The following FBXL13 variants were observed in gnomAD, a reference collection of about 807,000 sequenced individuals.
FBXL13 encodes F-box and leucine-rich repeat protein 13.
FBXL13 carries 67 observed loss-of-function variants against 83.6 expected under a neutral mutation model. The observed-to-expected ratio is 0.80, with a 90% CI of 0.66 to 0.98. The LOEUF is 0.98. Among genes scored for constraint, FBXL13 ranks in the 50% least tolerant of loss-of-function variants. The probability of loss-of-function intolerance (pLI) is 0.00; values close to 1 mark genes in which losing one functional copy is unlikely to be tolerated. For missense variants in FBXL13, 822 were observed against 866.5 expected (o/e 0.95, Z 0.64); for synonymous variants, 272 against 299.5 (o/e 0.91, Z 0.95).
At chr7:102,886,029 T>C (rs1482335151) in intron 11 of FBXL13, among the ~76,000 whole-genome samples, 1 of 152,230 alleles carries the variant, frequency 6.6e-6, no homozygotes, top group Non-Finnish European at 1.5e-5. Flanking sequence ...TGTAGCTTTG[T>C]AGTACCGATT....
At chr7:102,976,772 C>T (rs1004292892) in intron 6 of FBXL13, among the ~76,000 whole-genome samples, 3 of 152,170 alleles carry the variant, frequency 2.0e-5, no homozygotes, top group Non-Finnish European at 2.9e-5. Context: ...TCACCTACTC[C>T]GCCCAACATA....
intron 6 of FBXL13, among the ~76,000 whole-genome samples, chr7:102,991,675 A>G (rs1187357433): frequency 1.3e-5 from 2 of 152,238 alleles, no homozygotes; most frequent in Non-Finnish European, 2.9e-5. Context: ...TCTTTGGAAC[A>G]TAAAACACGG....
chr7:102,924,249 A>AG (rs890902838), intron 10 of FBXL13, among the ~76,000 whole-genome samples: 1 of 152,018 alleles, frequency 6.6e-6, no homozygotes, highest in African/African-American at 2.4e-5. Context: ...AAAAAAAAAA[A>AG]AAAAAAAGTA....
chr7:102,880,108 T>C (rs1809830470), intron 14 of FBXL13, among the ~76,000 whole-genome samples: 1 of 152,234 alleles, frequency 6.6e-6, no homozygotes, highest in Non-Finnish European at 1.5e-5. Flanking sequence ...TTTTTGTTGC[T>C]GATTCCCATT....
chr7:102,986,652 A>G (rs768719548), intron 6 of FBXL13, among the ~76,000 whole-genome samples: 18 of 152,182 alleles, frequency 1.2e-4, no homozygotes, highest in Non-Finnish European at 2.4e-4. Context: ...GGGAAGAAGG[A>G]TATTAGAATT....
intron 11 of FBXL13, among the ~76,000 whole-genome samples, chr7:102,912,683 C>CCCA (rs1491041784): frequency 7.9e-6 from 1 of 126,256 alleles, no homozygotes; most frequent in African/African-American, 3.2e-5. Flanking sequence ...CCCCCCCCCC[C>CCCA]CAAAAAAAAA....
At chr7:103,058,284 T>C (rs1418954125) in intron 1 of FBXL13, among the ~76,000 whole-genome samples, 1 of 152,196 alleles carries the variant, frequency 6.6e-6, no homozygotes, top group African/African-American at 2.4e-5. Context: ...CCATAGTAAC[T>C]GCTTACAAGT....
At chr7:102,896,581 G>A (rs955981328) in intron 11 of FBXL13, among the ~76,000 whole-genome samples, 1 of 152,208 alleles carries the variant, frequency 6.6e-6, no homozygotes, top group Non-Finnish European at 1.5e-5. Flanking sequence ...GAGGCACAAA[G>A]TCTGAGATCA....
At chr7:103,036,463 G>GA in intron 2 of FBXL13, among the ~76,000 whole-genome samples, 1 of 152,110 alleles carries the variant, frequency 6.6e-6, no homozygotes, top group Non-Finnish European at 1.5e-5. Flanking sequence ...ATGAAGTGTT[G>GA]AATTTTTCAT....
At chr7:102,922,145 G>A (rs774647827) in intron 10 of FBXL13, among the ~76,000 whole-genome samples, 1 of 150,660 alleles carries the variant, frequency 6.6e-6, no homozygotes, top group Non-Finnish European at 1.5e-5. Context: ...AGCTGAGGTC[G>A]TGCCACTGCA....
intron 1 of FBXL13, among the ~76,000 whole-genome samples, chr7:103,067,162 T>C (rs1438320009): frequency 6.6e-6 from 1 of 152,092 alleles, no homozygotes; most frequent in African/African-American, 2.4e-5. Context: ...CAACTGAGGA[T>C]TGAATTTAAA....
rs771042754 is a variant in FBXL13 at position 102,976,006 on chromosome 7, A to G, written c.496-7889T>C. On this transcript the variant is annotated intron_variant, in intron 6 of 19. Coordinates refer to ENST00000313221, the Ensembl canonical transcript of FBXL13. ...GGCCACTGGCCCACACAATGCCCAA[A>G]CCCAGGTAAACCCACGAGGCCATGC... 3.9e-6 allele frequency: 3 copies of G among 766,408 alleles called. No homozygotes were observed. In the South Asian group the frequency reaches 4.0e-5, roughly 10 times the overall value. 47.5% of individuals were successfully genotyped at this position (766,408 alleles called of 1,614,324 possible). A position where few individuals can be genotyped will look rare whatever the true frequency, so the allele number is the denominator to read the frequency against.
At chr7:102,854,836 T>C in exon 17 of FBXL13, 3 of 1,589,534 alleles carry the variant, frequency 1.9e-6, no homozygotes. Flanking sequence ...TTCAATTTTT[T>C]ATGTCTGGAA....
At chr7:103,058,350 C>T (rs1367878205) in intron 1 of FBXL13, among the ~76,000 whole-genome samples, 1 of 152,182 alleles carries the variant, frequency 6.6e-6, no homozygotes, top group Non-Finnish European at 1.5e-5. Context: ...ACTATAGTTG[C>T]ACAGGAGATT....
intron 8 of FBXL13, chr7:102,944,455 T>A: frequency 6.2e-7 from 1 of 1,613,912 alleles, no homozygotes; most frequent in Non-Finnish European, 8.5e-7. Context: ...TGTGGGAAAA[T>A]ATATTAGAAG....
rs143144114 is a variant in FBXL13 at position 102,874,375 on chromosome 7, T to A, written c.1635+3092A>T. ...TAATTGTCAATCATTTGCCTTTTAG[T>A]TCAGAGTTTAACTGACTTGGAGGAA... On this transcript the variant is annotated intron_variant, in intron 16 of 19. Transcript: ENST00000313221. 834 of 985,398 alleles carry A rather than the reference T, an allele frequency of 8.5e-4. 7 individuals carry two copies. In the African/African-American group the frequency reaches 0.014, roughly 17 times the overall value. 61.0% of individuals were successfully genotyped at this position (985,398 alleles called of 1,614,324 possible).
chr7:102,950,854 T>A (rs994968105), intron 8 of FBXL13, among the ~76,000 whole-genome samples: 1 of 151,638 alleles, frequency 6.6e-6, no homozygotes, highest in African/African-American at 2.4e-5. Context: ...GCTAGCAGGG[T>A]GAGGGGGGAT....
At chr7:102,893,597 T>C (rs976198793) in intron 11 of FBXL13, among the ~76,000 whole-genome samples, 1 of 151,800 alleles carries the variant, frequency 6.6e-6, no homozygotes. Flanking sequence ...AAACCCCATC[T>C]CTACTAAAAA....
chr7:103,001,992 G>A (rs965146167), intron 6 of FBXL13, among the ~76,000 whole-genome samples: 2 of 152,004 alleles, frequency 1.3e-5, no homozygotes, highest in Non-Finnish European at 1.5e-5. Context: ...CCCACTGGAG[G>A]GCCCTAACTA....
Sources: gnomAD v4.1 joint callset for allele counts (sites outside exome capture counted in the v4.1 genomes callset) on GRCh38, gnomAD v4.1.1 for gene constraint, MANE v1.5 for transcripts, NCBI Gene and HGNC (gene_info 2026-07-23, HGNC 2026-07-21) for gene names.